The following CES5A variants were observed in gnomAD, a reference collection of about 807,000 sequenced individuals.
The protein encoded by CES5A is carboxylesterase 5.
Under a neutral mutation model 62.9 loss-of-function variants are expected in CES5A, and 67 were observed. The observed-to-expected ratio is 1.07, with a 90% CI of 0.88 to 1.31. The LOEUF is 1.31. Ranked by LOEUF, CES5A falls within the 50% of genes most tolerant of loss-of-function variation. The pLI is 0.00. For missense variants in CES5A, 748 were observed against 708.5 expected (o/e 1.06, Z -0.63); for synonymous variants, 296 against 280.8 (o/e 1.05, Z -0.54).
chr16:55,878,376 C>T (rs931439253), upstream of CES5A, among the ~76,000 whole-genome samples: 4 of 152,072 alleles, frequency 2.6e-5, no homozygotes, highest in East Asian at 1.9e-4. Flanking sequence ...ATCAGGTCAC[C>T]GGGCAATGCC....
At chr16:55,913,122 G>A (rs8062696) in intron 1 of CES5A, among the ~76,000 whole-genome samples, 2,164 of 152,298 alleles carry the variant, frequency 0.014, 68 homozygotes, top group African/African-American at 0.05. Flanking sequence ...AGGGATCAGA[G>A]TTTTTCAGAT....
chr16:55,868,234 T>C (rs1206233344), intron 4 of CES5A, among the ~76,000 whole-genome samples: 2 of 152,166 alleles, frequency 1.3e-5, no homozygotes, highest in Non-Finnish European at 2.9e-5. Context: ...TCCTAATATA[T>C]AGAGCAGCTA....
At chr16:55,934,389 T>C (rs2034345794) in intron 2 of CES5A, among the ~76,000 whole-genome samples, 1 of 152,214 alleles carries the variant, frequency 6.6e-6, no homozygotes, top group South Asian at 2.1e-4. Context: ...TCACGTGGAA[T>C]GGAGAAGTCT....
chr16:55,853,227 T>C (rs1332903247), intron 9 of CES5A, among the ~76,000 whole-genome samples, 199 bp from the exon 10 acceptor site: 6 of 152,180 alleles, frequency 3.9e-5, no homozygotes, highest in Admixed American at 2.6e-4. Flanking sequence ...GTGAAGTGGT[T>C]GGGTCCAACT....
In CES5A at chr16:55,939,030, C is replaced by T. The variant is rs113691359; in HGVS notation, c.160+10755G>A. The stretch of plus-strand genomic sequence containing the variant: ...TTTCAGGAATGGCTGGATCTATGTG[C>T]TTTGGCAAGCTGATTAGGAGTTTGT... On this transcript the variant is annotated intron_variant, in intron 2 of 13. Transcript: ENST00000521992. 7.1e-3 allele frequency among the ~76,000 whole-genome samples: 1,078 copies of T among 151,672 alleles called. 4 individuals are homozygous for T. Among genetic ancestry groups the T allele is most frequent in the Middle Eastern group, 0.014 (4 of 292 alleles).
At chr16:55,890,368 G>T (rs1458689384) in intron 1 of CES5A, among the ~76,000 whole-genome samples, 2 of 72,108 alleles carry the variant, frequency 2.8e-5, no homozygotes, top group Non-Finnish European at 6.4e-5. Context: ...ATGTGGGCTT[G>T]AATTTTTTTT....
rs13330765 is a variant in CES5A, at chr16:55,871,119, C to T, written c.417+506G>A. Among the ~76,000 whole-genome samples the T allele has an allele frequency of 7.2e-5, 11 of 152,254 alleles. No individual in the cohort carries two copies. In the South Asian group the frequency reaches 1.2e-3, roughly 17 times the overall value. On this transcript the variant is annotated intron_variant, in intron 3 of 12. Coordinates refer to ENST00000290567, the MANE Select transcript of CES5A (RefSeq NM_001143685.2). ...TTATGATACAAGACAGCCAGTTTCC[C>T]CTGGCAGAGGCATGAGGAAGAGAAG...
chr16:55,905,454 C>G (rs1210927322), intron 1 of CES5A, among the ~76,000 whole-genome samples: 1 of 151,866 alleles, frequency 6.6e-6, no homozygotes, highest in Admixed American at 6.6e-5. Context: ...GCAACCTCCG[C>G]CCCCCAAGTT....
In CES5A at chr16:55,875,149, C is replaced by T; in HGVS notation, c.73G>A (p.Gly25Arg). ...AIWVLAAPTK[G>R]PSAEGPQRNT... is the part of the protein sequence containing the mutation. The stretch of plus-strand genomic sequence containing the variant: ...CCTCCTTTCCCATTGGATATCTCAC[C>T]TTTGGTGGGGGCTGCAAGGACCCAG... Residue 25 changes from glycine to arginine, a missense_variant and splice_region_variant, in exon 1 of 13, where the codon GGG becomes AGG. By Grantham distance (125) the Gly-to-Arg change is moderately radical (BLOSUM62 -2). Transcript: ENST00000290567. 1 of 1,614,088 alleles carries T rather than the reference C, an allele frequency of 6.2e-7. No homozygotes were observed. Among genetic ancestry groups the T allele is most frequent in the African/African-American group, 1.3e-5 (1 of 75,066 alleles).
At chr16:55,866,658 T>TAAAAAAAAAAA (rs369679801) in intron 4 of CES5A, among the ~76,000 whole-genome samples, 124 of 82,740 alleles carry the variant, frequency 1.5e-3, no homozygotes, top group Non-Finnish European at 2.3e-3. Context: ...CTGTCTCTGC[T>TAAAAAAAAAAA]AAAAAAAAAA....
intron 2 of CES5A, among the ~76,000 whole-genome samples, chr16:55,947,742 C>G (rs763657064): frequency 2.1e-4 from 32 of 151,964 alleles, no homozygotes; most frequent in African/African-American, 5.8e-4. Context: ...ATGAAGATAT[C>G]TGGGCATTTT....
In CES5A at chr16:55,871,733, T is replaced by C. The variant is rs998194673; in HGVS notation, c.309A>G (p.Leu103=). 3 of 1,614,064 alleles carry C rather than the reference T, an allele frequency of 1.9e-6. No homozygotes were observed. The highest frequency in any genetic ancestry group is 2.5e-6 in the Non-Finnish European group (3 of 1,179,980). ...AATGCACCTTGAGCATATGTTGATCTAAGAGCAGCCACTCTGAGTTCTGGA... is the reference window on the plus strand; with the variant it reads ...AATGCACCTTGAGCATATGTTGATCCAAGAGCAGCCACTCTGAGTTCTGGA... ...LCLQNSEWLL[L]DQHMLKVHYP... Residue 103 remains leucine, a synonymous_variant, in exon 3 of 13, where the codon TTA becomes TTG. Transcript: ENST00000290567.
intron 2 of CES5A, among the ~76,000 whole-genome samples, chr16:55,942,856 A>G (rs1453399676): frequency 1.3e-5 from 2 of 152,244 alleles, no homozygotes; most frequent in Non-Finnish European, 2.9e-5. Context: ...AAAGGAAAAA[A>G]CAACCTGGAT....
At chr16:55,854,859 C>G (rs1232327495) in intron 9 of CES5A, among the ~76,000 whole-genome samples, 1 of 151,910 alleles carries the variant, frequency 6.6e-6, no homozygotes, top group Non-Finnish European at 1.5e-5. Flanking sequence ...AAATAGAAAT[C>G]AAATGTCCTT....
chr16:55,926,157 G>T (rs1462003586), upstream of CES5A, among the ~76,000 whole-genome samples: 4 of 152,042 alleles, frequency 2.6e-5, no homozygotes, highest in African/African-American at 9.7e-5. Context: ...AAATATCTAA[G>T]GTTATGGACA....
chr16:55,904,194 G>A (rs1356820466), intron 1 of CES5A, among the ~76,000 whole-genome samples: 1 of 152,232 alleles, frequency 6.6e-6, no homozygotes, highest in Non-Finnish European at 1.5e-5. Flanking sequence ...TTTATCTGTA[G>A]AGATGAAGAA....
At chr16:55,856,944 G>C (rs1251461694) in intron 8 of CES5A, among the ~76,000 whole-genome samples, 3 of 152,242 alleles carry the variant, frequency 2.0e-5, no homozygotes, top group Non-Finnish European at 4.4e-5. Flanking sequence ...GTGAGAACAT[G>C]AATGTCTGTG....
At chr16:55,904,590 G>A (rs2034020885) in intron 1 of CES5A, among the ~76,000 whole-genome samples, 1 of 152,142 alleles carries the variant, frequency 6.6e-6, no homozygotes, top group African/African-American at 2.4e-5. Flanking sequence ...GCATAAATAT[G>A]TTATACTCGT....
rs548642878 is a variant in CES5A, at chr16:55,884,335, G to A, written c.-255-10298C>T. Among the ~76,000 whole-genome samples the A allele has an allele frequency of 9.8e-4, 150 of 152,290 alleles. 2 individuals are homozygous for A. The South Asian group carries it at 0.027, about 27-fold the overall frequency. On this transcript the variant is annotated intron_variant, in intron 1 of 12. Coordinates refer to the CES5A transcript ENST00000518005. ...GACAGTCTGTCTGTGTTCCCCTATA[G>A]ATATCACACTCCCTTAACCATCTCC...
Sources: allele counts gnomAD v4.1 joint callset (sites outside exome capture counted in the v4.1 genomes callset), GRCh38; gene constraint gnomAD v4.1.1; transcripts MANE v1.5; gene names NCBI Gene and HGNC (gene_info 2026-07-23, HGNC 2026-07-21).